NRF1: variants seen among roughly 807,000 people sequenced by gnomAD.
NRF1 encodes the protein nuclear respiratory factor 1.
NRF1 carries 5 observed loss-of-function variants against 58.5 expected under a neutral mutation model. The ratio of observed to expected loss-of-function variants is 0.09; its 90% CI spans 0.04 to 0.18. NRF1 has a LOEUF of 0.18. NRF1 is among the 10% of genes least tolerant of loss of function. The pLI is 1.00. For missense variants in NRF1, 288 were observed against 657.7 expected, an observed-to-expected ratio of 0.44 and a Z score of 6.15; for synonymous variants, 224 against 246.7, an observed-to-expected ratio of 0.91 and a Z score of 0.86.
chr7:129,711,029 T>G (rs2116196685), intron 7 of NRF1, among the ~76,000 whole-genome samples: 1 of 152,056 alleles, frequency 6.6e-6, no homozygotes, highest in East Asian at 1.9e-4. Context: ...GTGATCCTCC[T>G]GCCTCGGCCT....
intron 1 of NRF1, among the ~76,000 whole-genome samples, chr7:129,619,130 A>G (rs1310208682): frequency 6.6e-6 from 1 of 152,008 alleles, no homozygotes; most frequent in Non-Finnish European, 1.5e-5. Flanking sequence ...AGGGTCAAGT[A>G]GAAGAATAGA....
chr7:129,740,491 C>T (rs983973925), intron 10 of NRF1, among the ~76,000 whole-genome samples: 4 of 152,208 alleles, frequency 2.6e-5, no homozygotes, highest in African/African-American at 9.7e-5. Context: ...AGCCTGTGTT[C>T]CTGGTGGAAG....
At chr7:129,613,432 A>G (rs975868084) in intron 1 of NRF1, among the ~76,000 whole-genome samples, 3 of 152,186 alleles carry the variant, frequency 2.0e-5, no homozygotes, top group Non-Finnish European at 2.9e-5. Flanking sequence ...TCCTTATTTT[A>G]TGAGTCCGAA....
chr7:129,739,747 G>C (rs1803803483), intron 10 of NRF1, among the ~76,000 whole-genome samples: 1 of 152,084 alleles, frequency 6.6e-6, no homozygotes, highest in Non-Finnish European at 1.5e-5. Context: ...ATTTCCACTT[G>C]GATTCCTCAC....
chr7:129,631,730 T>C (rs1164891093), intron 1 of NRF1, among the ~76,000 whole-genome samples: 1 of 152,220 alleles, frequency 6.6e-6, no homozygotes. Context: ...ATGACATTCT[T>C]AAAAGACTGT....
chr7:129,697,906 T>C (rs991913223), intron 5 of NRF1, among the ~76,000 whole-genome samples: 2 of 152,004 alleles, frequency 1.3e-5, no homozygotes, highest in African/African-American at 4.8e-5. Flanking sequence ...GGTTAATTTT[T>C]TGTATTTTTA....
intron 5 of NRF1, among the ~76,000 whole-genome samples, chr7:129,698,550 C>T (rs1802750657): frequency 6.6e-6 from 1 of 152,106 alleles, no homozygotes; most frequent in Non-Finnish European, 1.5e-5. Flanking sequence ...CCCCAGAATT[C>T]ATTTACAATG....
intron 2 of NRF1, among the ~76,000 whole-genome samples, chr7:129,665,611 T>TTTGTTG (rs576727046): frequency 6.6e-6 from 1 of 151,908 alleles, no homozygotes; most frequent in Admixed American, 6.6e-5. Flanking sequence ...CAGTATGTTG[T>TTTGTTG]TTGTTGTTGT....
intron 1 of NRF1, among the ~76,000 whole-genome samples, chr7:129,618,758 A>G (rs10249998): frequency 0.88 from 133,387 of 152,158 alleles, 58,584 homozygotes; most frequent in East Asian, 0.93. Flanking sequence ...AGGACCAGAA[A>G]TGTTTTGGAG....
intron 10 of NRF1, among the ~76,000 whole-genome samples, chr7:129,742,547 G>C (rs988717980): frequency 1.3e-5 from 2 of 152,210 alleles, no homozygotes; most frequent in Non-Finnish European, 2.9e-5. Flanking sequence ...GAGGCCTGGT[G>C]GGGGAGGGGC....
chr7:129,670,429 T>TTC (rs1562965689), intron 2 of NRF1, among the ~76,000 whole-genome samples: 1 of 152,222 alleles, frequency 6.6e-6, no homozygotes, highest in African/African-American at 2.4e-5. Flanking sequence ...AAGCAGTTGC[T>TTC]TATTTTTTAT....
At chr7:129,663,852 A>G (rs1584620004) in intron 2 of NRF1, among the ~76,000 whole-genome samples, 1 of 152,310 alleles carries the variant, frequency 6.6e-6, no homozygotes, top group East Asian at 1.9e-4. Context: ...GCATTGAGTG[A>G]GCGAGACTCC....
At chr7:129,719,253 C>T (rs1363809202) in intron 9 of NRF1, among the ~76,000 whole-genome samples, 1 of 152,074 alleles carries the variant, frequency 6.6e-6, no homozygotes, top group Non-Finnish European at 1.5e-5. Flanking sequence ...CTGCCTCAGC[C>T]TCCCAAGTAG....
At chr7:129,745,216 G>A (rs987708928) in intron 10 of NRF1, among the ~76,000 whole-genome samples, 1 of 152,016 alleles carries the variant, frequency 6.6e-6, no homozygotes, top group African/African-American at 2.4e-5. Context: ...TATCCTCTGG[G>A]ACACAGACTT....
At chr7:129,750,649 C>T (rs1039348067) in intron 10 of NRF1, among the ~76,000 whole-genome samples, 4 of 152,250 alleles carry the variant, frequency 2.6e-5, no homozygotes, top group African/African-American at 7.2e-5. Flanking sequence ...TGGCTGTCCT[C>T]ACCAGTTACT....
chr7:129,626,323 G>A (rs997413397), intron 1 of NRF1, among the ~76,000 whole-genome samples: 2 of 152,120 alleles, frequency 1.3e-5, no homozygotes, highest in African/African-American at 4.8e-5. Context: ...GGGCTGGTCC[G>A]ATAAGTACAG....
At chr7:129,751,301 T>G (rs778319926) in intron 10 of NRF1, among the ~76,000 whole-genome samples, 4 of 152,214 alleles carry the variant, frequency 2.6e-5, no homozygotes, top group Non-Finnish European at 5.9e-5. Context: ...GCAAAGGGGT[T>G]TGGACTTTAT....
intron 5 of NRF1, among the ~76,000 whole-genome samples, chr7:129,706,641 G>A (rs1379925666): frequency 6.6e-6 from 1 of 152,178 alleles, no homozygotes; most frequent in Non-Finnish European, 1.5e-5. Flanking sequence ...TAAGTGAAGA[G>A]GCTGATGCTG....
chr7:129,724,539 C>T (rs1803406646), intron 9 of NRF1, among the ~76,000 whole-genome samples: 1 of 152,252 alleles, frequency 6.6e-6, no homozygotes. Context: ...GGTACATATC[C>T]CAAAGAATTG....
Sources: gnomAD v4.1 joint callset for allele counts (sites outside exome capture counted in the v4.1 genomes callset) on GRCh38, gnomAD v4.1.1 for gene constraint, MANE v1.5 for transcripts, NCBI Gene and HGNC (gene_info 2026-07-23, HGNC 2026-07-21) for gene names.